Variants in BNC2 observed in about 807,000 individuals in gnomAD.
BNC2 encodes zinc finger protein basonuclin-2.
In BNC2, 20 loss-of-function variants were observed where a neutral mutation model predicts 76.3. The ratio of observed to expected loss-of-function variants is 0.26; its 90% CI spans 0.18 to 0.38. BNC2 has a LOEUF of 0.38. Among genes scored for constraint, BNC2 ranks in the 10% least tolerant of loss-of-function variants. The pLI is 1.00. For synonymous variants in BNC2, 582 were observed against 514.8 expected, an observed-to-expected ratio of 1.13 and a Z score of -1.77; for missense variants, 1,382 against 1,399.8, an observed-to-expected ratio of 0.99 and a Z score of 0.20.
rs10120377 is a variant in BNC2 at position 16,611,041 on chromosome 9, T to C, written c.331-27956A>G. On this transcript the variant is annotated intron_variant, in intron 3 of 6. Transcript: ENST00000380672. ...TATAGAAACAGACTGAACACAGCAG[T>C]TCATTTGTTGAAGCAATTATCCAGA... 6.6e-3 allele frequency among the ~76,000 whole-genome samples: 1,005 copies of C among 152,234 alleles called. 8 individuals carry two copies. The highest frequency in any genetic ancestry group is 0.022 in the African/African-American group (914 of 41,536).
intron 1 of BNC2, among the ~76,000 whole-genome samples, chr9:16,802,137 C>T (rs1207607733): frequency 1.3e-5 from 2 of 152,182 alleles, no homozygotes; most frequent in Non-Finnish European, 2.9e-5. Context: ...GCCAAACATG[C>T]TCAAGGATAC....
intron 3 of BNC2, among the ~76,000 whole-genome samples, chr9:16,612,773 T>C (rs954338670): frequency 5.3e-5 from 8 of 152,058 alleles, no homozygotes; most frequent in African/African-American, 1.9e-4. Flanking sequence ...ACTACTTCTA[T>C]TGAGGTAATG....
At chr9:16,631,131 A>G (rs927303884) in intron 3 of BNC2, among the ~76,000 whole-genome samples, 4 of 152,132 alleles carry the variant, frequency 2.6e-5, no homozygotes, top group African/African-American at 9.7e-5. Flanking sequence ...ATAAAATCTC[A>G]AGACAAATAA....
intron 4 of BNC2, among the ~76,000 whole-genome samples, chr9:16,571,472 G>A (rs908388388): frequency 1.3e-5 from 2 of 151,870 alleles, no homozygotes; most frequent in Non-Finnish European, 2.9e-5. Flanking sequence ...ATAGCTACTC[G>A]GTTTATGTAG....
At chr9:16,675,601 T>C (rs1429221184) in intron 3 of BNC2, among the ~76,000 whole-genome samples, 3 of 152,334 alleles carry the variant, frequency 2.0e-5, no homozygotes, top group South Asian at 4.1e-4. Flanking sequence ...AATACTGCTA[T>C]ATAATACTTG....
At chr9:16,425,527 T>C (rs911079863) in intron 6 of BNC2, among the ~76,000 whole-genome samples, 1 of 152,186 alleles carries the variant, frequency 6.6e-6, no homozygotes, top group African/African-American at 2.4e-5. Flanking sequence ...TGTATTAATG[T>C]GCTTGTCCCA....
chr9:16,700,387 G>C (rs1054972147), intron 3 of BNC2, among the ~76,000 whole-genome samples: 1 of 152,072 alleles, frequency 6.6e-6, no homozygotes, highest in Non-Finnish European at 1.5e-5. Flanking sequence ...GCTTGGTGTA[G>C]CACAACTATA....
chr9:16,844,949 C>A (rs555313913), intron 1 of BNC2, among the ~76,000 whole-genome samples: 2 of 152,132 alleles, frequency 1.3e-5, no homozygotes, highest in African/African-American at 2.4e-5. Flanking sequence ...GGCAGCCCCC[C>A]AGTTGAGTCA....
At chr9:16,856,176 T>C (rs796924084) in intron 1 of BNC2, among the ~76,000 whole-genome samples, 10 of 152,188 alleles carry the variant, frequency 6.6e-5, no homozygotes, top group African/African-American at 2.2e-4. Flanking sequence ...CAGTCAACTA[T>C]ACTATTCTAC....
intron 1 of BNC2, among the ~76,000 whole-genome samples, chr9:16,744,623 A>G (rs1462152626): frequency 6.6e-6 from 1 of 152,156 alleles, no homozygotes; most frequent in Non-Finnish European, 1.5e-5. Flanking sequence ...AGGGATCATC[A>G]CTCAGGACTT....
Position 16,463,538 on chromosome 9 carries a change from C to T in BNC2, c.670-26014G>A, listed in dbSNP as rs564139284. ...GTCTCAATCTCCTGACCTCGTGATC[C>T]GCCCGCCTCGGCCTCCCAAAGTGCT... On this transcript the variant is annotated intron_variant, in intron 5 of 6. Transcript: ENST00000380672. Among the ~76,000 whole-genome samples the T allele has an allele frequency of 8.4e-5, 12 of 143,140 alleles. No homozygotes were observed. In the East Asian group the frequency reaches 2.0e-3, roughly 24 times the overall value. 93.9% of individuals were successfully genotyped at this position (143,140 alleles called of 152,430 possible).
At chr9:16,729,137 T>C (rs1824436447) in intron 2 of BNC2, among the ~76,000 whole-genome samples, 1 of 152,222 alleles carries the variant, frequency 6.6e-6, no homozygotes, top group Non-Finnish European at 1.5e-5. Context: ...TTAAAACTAT[T>C]CACCTATTTA....
chr9:16,770,018 G>C (rs555256447), intron 1 of BNC2, among the ~76,000 whole-genome samples: 75 of 152,282 alleles, frequency 4.9e-4, no homozygotes, highest in African/African-American at 1.7e-3. Flanking sequence ...ACAGCCTACG[G>C]TTTTGCTCAA....
chr9:16,601,595 G>C (rs1449599249), intron 3 of BNC2, among the ~76,000 whole-genome samples: 1 of 152,196 alleles, frequency 6.6e-6, no homozygotes, highest in East Asian at 1.9e-4. Flanking sequence ...GTTGAAGCAA[G>C]ATCCTACTAC....
intron 5 of BNC2, among the ~76,000 whole-genome samples, chr9:16,506,513 CTTTTTTTTTT>C (rs568955982): frequency 8.1e-4 from 35 of 43,336 alleles, no homozygotes; most frequent in Admixed American, 4.3e-3. Flanking sequence ...TCTCTCTCCT[CTTTTTTTTTT>C]TTTTTTTTTT....
At chr9:16,424,691 G>A (rs1453555922) in intron 6 of BNC2, among the ~76,000 whole-genome samples, 1 of 151,950 alleles carries the variant, frequency 6.6e-6, no homozygotes, top group Non-Finnish European at 1.5e-5. Flanking sequence ...ATCCAATCTG[G>A]GTAAGTCTAG....
At chr9:16,707,056 G>A (rs977503803) in intron 3 of BNC2, among the ~76,000 whole-genome samples, 1 of 152,126 alleles carries the variant, frequency 6.6e-6, no homozygotes, top group Non-Finnish European at 1.5e-5. Flanking sequence ...CAAAAAATTA[G>A]CCGGGCGTGA....
chr9:16,476,644 A>G (rs1254081821), intron 5 of BNC2, among the ~76,000 whole-genome samples: 1 of 151,834 alleles, frequency 6.6e-6, no homozygotes, highest in Non-Finnish European at 1.5e-5. Context: ...AGCAGGGACC[A>G]CGGGTTTATC....
At chr9:16,750,755 G>T (rs532951201) in intron 1 of BNC2, among the ~76,000 whole-genome samples, 1 of 152,322 alleles carries the variant, frequency 6.6e-6, no homozygotes, top group African/African-American at 2.4e-5. Flanking sequence ...ACTCATCAAG[G>T]CTTGAAAGCA....
Sources: allele counts gnomAD v4.1 joint callset (sites outside exome capture counted in the v4.1 genomes callset), GRCh38; gene constraint gnomAD v4.1.1; transcripts MANE v1.5; gene names NCBI Gene and HGNC (gene_info 2026-07-23, HGNC 2026-07-21).